Variants in PRKG2 observed in about 807,000 individuals in gnomAD.
PRKG2 encodes the protein cGMP-dependent protein kinase 2.
PRKG2 carries 33 observed loss-of-function variants against 97.2 expected under a neutral mutation model. That is an observed-to-expected ratio of 0.34 (90% CI 0.26 to 0.45). PRKG2 has a LOEUF of 0.45. Ranked by LOEUF, PRKG2 falls within the 20% of genes least tolerant of loss-of-function variation. PRKG2 has a pLI of 1.00. For synonymous variants in PRKG2, 330 were observed against 321.8 expected (o/e 1.03, Z -0.27); for missense variants, 638 against 900.0 (o/e 0.71, Z 3.73).
chr4:81,093,476 C>T (rs1337855226), intron 17 of PRKG2, among the ~76,000 whole-genome samples: 1 of 151,790 alleles, frequency 6.6e-6, no homozygotes, highest in African/African-American at 2.4e-5. Context: ...TACTACTTGA[C>T]TTAGTTATCA....
rs563455901 is a variant in PRKG2 at position 81,154,105 on chromosome 4, G to A, written c.913-384C>T. ...CCACGAGATTATATCCCCGCACCTG[G>A]CTCGGAGGGTCCTACGCCCACGGAG... is the stretch of plus-strand genomic sequence containing the variant. On this transcript the variant is annotated intron_variant, in intron 6 of 18. Coordinates refer to ENST00000264399, the MANE Select transcript of PRKG2 (RefSeq NM_006259.3). 43 of 172,994 alleles carry A rather than the reference G, an allele frequency of 2.5e-4. No individual in the cohort carries two copies. In the South Asian group the frequency reaches 5.2e-3, roughly 21 times the overall value. 10.7% of individuals were successfully genotyped at this position (172,994 alleles called of 1,614,324 possible).
chr4:81,139,521 A>G (rs1473382085), intron 12 of PRKG2, among the ~76,000 whole-genome samples: 1 of 151,968 alleles, frequency 6.6e-6, no homozygotes, highest in Admixed American at 6.6e-5. Flanking sequence ...TAATCCCAGC[A>G]CTTTGGGAGG....
At chr4:81,174,678 ATATGT>A (rs1560603189) in intron 3 of PRKG2, 110 bp downstream of exon 3, 2 of 1,052,670 alleles carry the variant, frequency 1.9e-6, no homozygotes, top group African/African-American at 3.8e-5. Context: ...TCATGATTCA[ATATGT>A]TATGTTTTCT....
chr4:81,154,628 T>A (rs1748822557), intron 6 of PRKG2, among the ~76,000 whole-genome samples: 1 of 150,370 alleles, frequency 6.7e-6, no homozygotes, highest in South Asian at 2.1e-4. Flanking sequence ...TACATCACCA[T>A]CATCAAAGAC....
intron 2 of PRKG2, among the ~76,000 whole-genome samples, chr4:81,187,808 C>T (rs1752018291): frequency 6.6e-6 from 1 of 152,002 alleles, no homozygotes; most frequent in Non-Finnish European, 1.5e-5. Context: ...ACAAGCATTC[C>T]TATACACCAA....
intron 2 of PRKG2, among the ~76,000 whole-genome samples, chr4:81,196,313 G>A (rs1324360882): frequency 2.6e-5 from 4 of 152,206 alleles, no homozygotes; most frequent in Non-Finnish European, 4.4e-5. Flanking sequence ...CGTCAGAGAA[G>A]ATGACTTAAA....
chr4:81,212,530 T>C (rs557334172), intron 1 of PRKG2, among the ~76,000 whole-genome samples: 6 of 152,264 alleles, frequency 3.9e-5, no homozygotes, highest in East Asian at 3.9e-4. Flanking sequence ...GGTAATGTCA[T>C]TGACCAAAAT....
chr4:81,115,245 G>A (rs989892615), intron 14 of PRKG2, among the ~76,000 whole-genome samples: 2 of 152,000 alleles, frequency 1.3e-5, no homozygotes, highest in African/African-American at 4.8e-5. Flanking sequence ...AGTTCTGACC[G>A]CTCTACATCT....
At position 81,142,780 on chromosome 4, in the gene PRKG2, C is replaced by A; in HGVS notation, c.1407+14G>T. On this transcript the variant is annotated intron_variant, in intron 11 of 18. Transcript: ENST00000264399. ...AAAGGCTTCTCTCAGATGCTTGAAA[C>A]GTAAACCCCTTACAAGCTCAACTCT... 2 of 1,544,492 alleles carry A rather than the reference C, an allele frequency of 1.3e-6. No homozygotes were observed. The highest frequency in any genetic ancestry group is 1.8e-5 in the Admixed American group (1 of 54,572).
At chr4:81,145,073 T>A (rs1006905582) in intron 9 of PRKG2, among the ~76,000 whole-genome samples, 1 of 152,102 alleles carries the variant, frequency 6.6e-6, no homozygotes, top group African/African-American at 2.4e-5. Context: ...AACATACATG[T>A]GCATGAGTCT....
In PRKG2 at chr4:81,137,272, A is replaced by G. The variant is rs1041111369; in HGVS notation, c.1634+121T>C. 1.6e-5 allele frequency: 12 copies of G among 750,336 alleles called. No individual in the cohort carries two copies. The African/African-American group carries it at 2.0e-4, about 12-fold the overall frequency. 46.5% of individuals were successfully genotyped at this position (750,336 alleles called of 1,614,324 possible). A position where few individuals can be genotyped will look rare whatever the true frequency, so the allele number is the denominator to read the frequency against. ...TAGCCAAGACAATATCACTATTACT[A>G]CTTTATTTTATCAAGGGATATTTTG... On this transcript the variant is annotated intron_variant, in intron 13 of 18. Coordinates refer to ENST00000264399, the MANE Select transcript of PRKG2 (RefSeq NM_006259.3).
chr4:81,105,138 C>T (rs779832699), intron 16 of PRKG2, among the ~76,000 whole-genome samples: 7 of 152,196 alleles, frequency 4.6e-5, no homozygotes, highest in South Asian at 2.1e-4. Flanking sequence ...ATTCGTTACG[C>T]GTATATAATG....
intron 2 of PRKG2, among the ~76,000 whole-genome samples, chr4:81,183,881 G>T (rs1462983755): frequency 6.6e-6 from 1 of 152,202 alleles, no homozygotes; most frequent in African/African-American, 2.4e-5. Flanking sequence ...CTGCAGGGAA[G>T]TTCAAACTAG....
intron 2 of PRKG2, among the ~76,000 whole-genome samples, chr4:81,188,334 C>G (rs1212754999): frequency 1.3e-5 from 2 of 150,010 alleles, no homozygotes; most frequent in Admixed American, 1.3e-4. Context: ...TACCATCTCA[C>G]ATCAGTTAGA....
intron 2 of PRKG2, among the ~76,000 whole-genome samples, chr4:81,203,877 TA>T (rs1353091546): frequency 1.3e-5 from 2 of 152,218 alleles, no homozygotes; most frequent in Non-Finnish European, 2.9e-5. Context: ...TGAAGTCTGT[TA>T]AAGGTCACTT....
chr4:81,204,679 A>T lies in PRKG2; in HGVS notation c.369T>A (p.Ala123=). 6.2e-7 allele frequency: 1 copy of T among 1,614,200 alleles called. No individual in the cohort carries two copies. The highest frequency in any genetic ancestry group is 8.5e-7 in the Non-Finnish European group (1 of 1,180,022). The change falls in exon 2 of 19, where the codon GCT becomes GCA. Residue 123 remains alanine, a synonymous_variant. Coordinates refer to ENST00000264399, the MANE Select transcript of PRKG2 (RefSeq NM_006259.3). ...GGGTTGTTGGCTCAGCAGACACGCC[A>T]GCCTTTGCTCCCCTCCTGCTATGGA... ...VSLHSRRGAK[A]GVSAEPTTRT... is the part of the protein sequence containing the mutation.
chr4:81,113,676 T>G (rs1213435957), intron 14 of PRKG2, among the ~76,000 whole-genome samples: 2 of 152,158 alleles, frequency 1.3e-5, no homozygotes, highest in African/African-American at 4.8e-5. Flanking sequence ...CAGATATTGG[T>G]TCTCTTGGTC....
chr4:81,148,595 A>C (rs1291974142), intron 9 of PRKG2, among the ~76,000 whole-genome samples: 1 of 152,192 alleles, frequency 6.6e-6, no homozygotes, highest in African/African-American at 2.4e-5. Flanking sequence ...CGAACGAATC[A>C]ACTTACTTCC....
intron 17 of PRKG2, among the ~76,000 whole-genome samples, chr4:81,096,923 T>C (rs112531554): frequency 0.022 from 3,300 of 152,306 alleles, 62 homozygotes; most frequent in Non-Finnish European, 0.033. Context: ...TTTAACCTCC[T>C]CTGATAAATC....
Sources: allele counts gnomAD v4.1 joint callset (sites outside exome capture counted in the v4.1 genomes callset), GRCh38; gene constraint gnomAD v4.1.1; transcripts MANE v1.5; gene names NCBI Gene and HGNC (gene_info 2026-07-23, HGNC 2026-07-21).